Variants in SEC24A observed in about 807,000 individuals in gnomAD.
SEC24A encodes the protein protein transport protein Sec24A.
SEC24A carries 93 observed loss-of-function variants against 129.4 expected under a neutral mutation model. That is an observed-to-expected ratio of 0.72 (90% CI 0.61 to 0.85). The LOEUF (loss-of-function observed/expected upper bound fraction) is 0.85. Among genes scored for constraint, SEC24A ranks in the 40% least tolerant of loss-of-function variants. The probability of loss-of-function intolerance (pLI) is 0.00; values close to 1 mark genes in which losing one functional copy is unlikely to be tolerated. For synonymous variants in SEC24A, 460 were observed against 467.3 expected (o/e 0.98, Z 0.20); for missense variants, 1,264 against 1,307.4 (o/e 0.97, Z 0.51).
chr5:134,680,311 A>C (rs1751221390), intron 8 of SEC24A, among the ~76,000 whole-genome samples: 1 of 152,122 alleles, frequency 6.6e-6, no homozygotes, highest in African/African-American at 2.4e-5. Flanking sequence ...AGATTTGAGA[A>C]ATAGAGGAAT....
intron 15 of SEC24A, among the ~76,000 whole-genome samples, chr5:134,699,301 C>CGTTTTTTTTTTTTTTTTTTTT (rs1429369613): frequency 3.5e-4 from 49 of 138,402 alleles, no homozygotes; most frequent in African/African-American, 9.9e-4. Flanking sequence ...CCATTTTATC[C>CGTTTTTTTTTTTTTTTTTTTT]TTTTTTTTTT....
intron 3 of SEC24A, among the ~76,000 whole-genome samples, chr5:134,669,237 G>A (rs1750769907): frequency 6.6e-6 from 1 of 150,794 alleles, no homozygotes; most frequent in South Asian, 2.1e-4. Context: ...TGCGATCTCG[G>A]CTCACCGCAA....
intron 21 of SEC24A, among the ~76,000 whole-genome samples, chr5:134,722,320 C>T (rs922148963): frequency 1.3e-5 from 2 of 151,958 alleles, no homozygotes; most frequent in Admixed American, 6.6e-5. Flanking sequence ...GAGAAACCCC[C>T]GTCTCAAGGC....
At chr5:134,654,151 C>A (rs1049301075) in intron 1 of SEC24A, among the ~76,000 whole-genome samples, 6 of 151,398 alleles carry the variant, frequency 4.0e-5, no homozygotes, top group African/African-American at 1.2e-4. Context: ...AGAGTGAGAA[C>A]CTGTCACAAA....
intron 19 of SEC24A, among the ~76,000 whole-genome samples, chr5:134,717,688 G>A (rs1752517176): frequency 6.6e-6 from 1 of 152,118 alleles, no homozygotes; most frequent in Non-Finnish European, 1.5e-5. Context: ...GGCCGAGGCG[G>A]GTGGATCAAC....
At chr5:134,710,254 C>T (rs1300047673) in intron 18 of SEC24A, among the ~76,000 whole-genome samples, 8 of 151,592 alleles carry the variant, frequency 5.3e-5, no homozygotes, top group Non-Finnish European at 1.0e-4. Flanking sequence ...CTCTGTTGCC[C>T]AGGCTGGAGC....
At chr5:134,715,505 T>C (rs1752450123) in intron 19 of SEC24A, 1 of 202,864 alleles carries the variant, frequency 4.9e-6, no homozygotes, top group African/African-American at 2.4e-5. Flanking sequence ...GCAGCAAATA[T>C]ACTAAAATTG....
At chr5:134,695,657 C>T (rs1405702735) in intron 13 of SEC24A, among the ~76,000 whole-genome samples, 1 of 151,700 alleles carries the variant, frequency 6.6e-6, no homozygotes, top group African/African-American at 2.4e-5. Flanking sequence ...TGGTGGCACA[C>T]ACCTGTAATC....
chr5:134,721,707 A>G (rs900662630), intron 21 of SEC24A, among the ~76,000 whole-genome samples: 5 of 152,102 alleles, frequency 3.3e-5, no homozygotes, highest in Non-Finnish European at 7.4e-5. Context: ...CCCCATAACT[A>G]CAGAACATTT....
At chr5:134,652,081 C>T in intron 1 of SEC24A, among the ~76,000 whole-genome samples, 1 of 151,426 alleles carries the variant, frequency 6.6e-6, no homozygotes, top group East Asian at 2.0e-4. Flanking sequence ...GCCACCACAC[C>T]CGGCTAATTT....
At chr5:134,671,169 G>A (rs543401029) in intron 3 of SEC24A, among the ~76,000 whole-genome samples, 11 of 151,990 alleles carry the variant, frequency 7.2e-5, no homozygotes, top group African/African-American at 2.4e-4. Flanking sequence ...TCAGCCTCCC[G>A]AGTAGCTGAT....
Position 134,696,910 on chromosome 5 carries a change from G to A in SEC24A, c.1987-216G>A, listed in dbSNP as rs149029207. On this transcript the variant is annotated intron_variant, in intron 13 of 22. Coordinates refer to ENST00000398844, the MANE Select transcript of SEC24A (RefSeq NM_021982.3). ...CCCAAAGTGCTAGGATTACAGGTGT[G>A]AGCCACCACACCTGGCTGGAACTTA... Among the ~76,000 whole-genome samples, 1,287 of 151,986 alleles carry A rather than the reference G, an allele frequency of 8.5e-3. 20 individuals carry two copies. Among genetic ancestry groups the A allele is most frequent in the African/African-American group, 0.028 (1,165 of 41,454 alleles).
chr5:134,653,974 T>C (rs990866310), intron 1 of SEC24A, among the ~76,000 whole-genome samples: 1 of 151,738 alleles, frequency 6.6e-6, no homozygotes, highest in African/African-American at 2.4e-5. Flanking sequence ...GTAGGCAACA[T>C]AGGAAGACCC....
intron 9 of SEC24A, among the ~76,000 whole-genome samples, chr5:134,684,311 A>C (rs925359970): frequency 6.6e-6 from 1 of 151,632 alleles, no homozygotes; most frequent in Non-Finnish European, 1.5e-5. Context: ...TCAAAAAAAA[A>C]AAAAAAAAAT....
rs772469038 is a variant in SEC24A, at chr5:134,675,165, C to T, written c.1099C>T (p.Pro367Ser). ...CATGCTTCCGTCAACACCTTTGAAG[C>T]CTCCAGTTCCAAATTTGCATGAAGA... Reference protein sequence around the residue: ...RNMLPSTPLKPPVPNLHEDIQ... With the variant: ...RNMLPSTPLKSPVPNLHEDIQ... The change falls in exon 6 of 23, where the codon CCT becomes TCT. Residue 367 changes from proline (P) to serine (S), a missense_variant. By Grantham distance (74) the Pro-to-Ser change is moderately conservative. Transcript: ENST00000398844. The T allele has an allele frequency of 6.8e-6, 11 of 1,613,282 alleles. No homozygotes were observed. In the South Asian group the frequency reaches 1.2e-4, roughly 18 times the overall value.
At chr5:134,706,850 C>T (rs1752173808) in intron 17 of SEC24A, among the ~76,000 whole-genome samples, 1 of 152,060 alleles carries the variant, frequency 6.6e-6, no homozygotes, top group Non-Finnish European at 1.5e-5. Flanking sequence ...GACACCACAC[C>T]CAGCTAATTT....
rs776991988 is a variant in SEC24A at position 134,661,392 on chromosome 5, G to A, written c.371G>A (p.Ser124Asn). Reference sequence around the variant, plus strand: ...CCAGCTACTACACCAATGCCTTCTAGTAGCTTTCTTCCTGAAGCCAACCTG... The same window carrying A: ...CCAGCTACTACACCAATGCCTTCTAATAGCTTTCTTCCTGAAGCCAACCTG... ...QNPATTPMPS[S>N]SFLPEANLPP... Residue 124 changes from serine (S) to asparagine (N), a missense_variant, in exon 2 of 23, where the codon AGT (serine) becomes AAT (asparagine). Physicochemically the swap from Ser to Asn is conservative, Grantham distance 46. Transcript: ENST00000398844. The A allele has an allele frequency of 6.2e-7, 1 of 1,614,156 alleles. No homozygotes were observed.
chr5:134,693,942 G>A lies in SEC24A; in HGVS notation c.1986+9G>A, dbSNP rs750744196. 6.2e-7 allele frequency: 1 copy of A among 1,608,242 alleles called. No individual in the cohort carries two copies. Among genetic ancestry groups the A allele is most frequent in the Non-Finnish European group, 8.5e-7 (1 of 1,174,694 alleles). On this transcript the variant is annotated intron_variant, in intron 13 of 22. Coordinates refer to ENST00000398844, the MANE Select transcript of SEC24A (RefSeq NM_021982.3). Reference sequence around the variant, plus strand: ...ACAGGTCATCTGCTAAGGTTAGAGAGTCATGAAATGTCTGATAAGGTTTAT... The same window carrying A: ...ACAGGTCATCTGCTAAGGTTAGAGAATCATGAAATGTCTGATAAGGTTTAT...
At chr5:134,676,496 T>C (rs890990245) in intron 7 of SEC24A, among the ~76,000 whole-genome samples, 6 of 134,202 alleles carry the variant, frequency 4.5e-5, no homozygotes, top group Non-Finnish European at 7.6e-5. Flanking sequence ...CAGGCTGGAG[T>C]GTAGTGGCGA....
Sources: gnomAD v4.1 joint callset for allele counts (sites outside exome capture counted in the v4.1 genomes callset) on GRCh38, gnomAD v4.1.1 for gene constraint, MANE v1.5 for transcripts, NCBI Gene and HGNC (gene_info 2026-07-23, HGNC 2026-07-21) for gene names.